Variants in ARMH4 observed in about 807,000 individuals in gnomAD.
ARMH4 encodes the protein armadillo-like helical domain-containing protein 4.
In ARMH4, 49 loss-of-function variants were observed where a neutral mutation model predicts 61.9. The ratio of observed to expected loss-of-function variants is 0.79; its 90% confidence interval spans 0.63 to 1.00. The LOEUF (loss-of-function observed/expected upper bound fraction) is 1.00, where lower values mean the gene tolerates loss of function less well. Ranked by LOEUF, ARMH4 falls within the 50% of genes least tolerant of loss-of-function variation. The pLI, the probability that ARMH4 is intolerant of heterozygous loss-of-function variation, is 0.00. For missense variants in ARMH4, 934 were observed against 930.0 expected, an observed-to-expected ratio of 1.00 and a Z score of -0.06; for synonymous variants, 368 against 341.5, an observed-to-expected ratio of 1.08 and a Z score of -0.85.
Position 58,138,352 on chromosome 14 carries a change from G to A in ARMH4, c.1007C>T (p.Thr336Ile). The part of the protein sequence containing the change: ...RTPKLGDNEE[T>I]QVRTEMSQTA... Reference sequence around the variant, plus strand: ...CTGAGACATCTCCGTTCTCACCTGAGTCTCTTCATTGTCTCCAAGCTTGGG... The same window carrying A: ...CTGAGACATCTCCGTTCTCACCTGAATCTCTTCATTGTCTCCAAGCTTGGG... Residue 336 changes from threonine to isoleucine, a missense_variant, in exon 2 of 8, where the codon ACT becomes ATT. Coordinates refer to ENST00000267485, the MANE Select transcript of ARMH4 (RefSeq NM_001001872.4). 2 of 1,614,128 alleles carry A rather than the reference G, an allele frequency of 1.2e-6. No individual in the cohort carries two copies. Among genetic ancestry groups the A allele is most frequent in the Non-Finnish European group, 1.7e-6 (2 of 1,180,028 alleles).
chr14:58,035,149 G>A (rs1883429489), intron 5 of ARMH4, among the ~76,000 whole-genome samples: 2 of 145,174 alleles, frequency 1.4e-5, no homozygotes, highest in Non-Finnish European at 3.0e-5. Context: ...ATAGTTGGAA[G>A]TAAAGCTCTC....
intron 4 of ARMH4, among the ~76,000 whole-genome samples, chr14:58,109,550 A>G (rs558646723): frequency 7.2e-4 from 110 of 152,290 alleles, no homozygotes; most frequent in African/African-American, 2.4e-3. Flanking sequence ...ATAAGTCTTA[A>G]TATCTGTTAG....
chr14:58,113,689 A>G (rs986054452), intron 4 of ARMH4, among the ~76,000 whole-genome samples: 1 of 151,828 alleles, frequency 6.6e-6, no homozygotes, highest in Non-Finnish European at 1.5e-5. Flanking sequence ...CTTTTCTTTC[A>G]TGTTCTCTCA....
rs11844966 is a variant in ARMH4, at chr14:58,016,175, C to A, written c.2090-4025G>T. 8.0e-3 allele frequency among the ~76,000 whole-genome samples: 1,214 copies of A among 151,536 alleles called. 23 individuals carry two copies. The highest frequency in any genetic ancestry group is 0.028 in the African/African-American group (1,140 of 41,308). ...AAAAATTTTGTTTAAATCATGTTCA[C>A]AAAATATTTATAATAAAAAGGAGCA... On this transcript the variant is annotated intron_variant, in intron 5 of 7. Coordinates refer to ENST00000267485, the MANE Select transcript of ARMH4 (RefSeq NM_001001872.4).
At chr14:58,028,901 G>A (rs548302305) in intron 5 of ARMH4, among the ~76,000 whole-genome samples, 29 of 152,172 alleles carry the variant, frequency 1.9e-4, no homozygotes, top group Non-Finnish European at 2.8e-4. Context: ...GGTGTTTTTG[G>A]TTTTTAATTT....
intron 4 of ARMH4, among the ~76,000 whole-genome samples, chr14:58,098,759 C>T (rs1173360344): frequency 6.7e-6 from 1 of 149,822 alleles, no homozygotes; most frequent in Non-Finnish European, 1.5e-5. Flanking sequence ...AAGAAGTAGG[C>T]AGGGGCCAGA....
At position 58,057,572 on chromosome 14, in the gene ARMH4, G is replaced by C. The variant is rs75610564; in HGVS notation, c.2089+39152C>G. Among the ~76,000 whole-genome samples the C allele has an allele frequency of 5.0e-5, 4 of 80,288 alleles. No individual in the cohort carries two copies. The South Asian group carries it at 1.5e-3, about 30-fold the overall frequency. 52.7% of individuals were successfully genotyped at this position (80,288 alleles called of 152,430 possible). ...CCAAAGGGTGTGTGTGTGTGTGTCT[G>C]TGTGTGTGTGTGTGTGTATTTTGAT... On this transcript the variant is annotated intron_variant, in intron 5 of 7. Coordinates refer to ENST00000267485, the MANE Select transcript of ARMH4 (RefSeq NM_001001872.4).
intron 4 of ARMH4, among the ~76,000 whole-genome samples, chr14:58,124,502 G>T (rs1223564297): frequency 1.3e-5 from 2 of 152,204 alleles, no homozygotes; most frequent in African/African-American, 4.8e-5. Flanking sequence ...ATCTTATGAT[G>T]TGAATGGCAT....
At position 58,138,564 on chromosome 14, in the gene ARMH4, G is replaced by A; in HGVS notation, c.795C>T (p.Thr265=). 1 of 1,614,186 alleles carries A rather than the reference G, an allele frequency of 6.2e-7. No homozygotes were observed. The highest frequency in any genetic ancestry group is 8.5e-7 in the Non-Finnish European group (1 of 1,180,034). ...EKPSQMTADN[T]QAAATKQPLE... is the part of the protein sequence containing the mutation. Reference sequence around the variant, plus strand: ...GTGGTTGCTTGGTGGCAGCAGCCTGGGTGTTATCAGCTGTCATCTGCGAAG... The same window carrying A: ...GTGGTTGCTTGGTGGCAGCAGCCTGAGTGTTATCAGCTGTCATCTGCGAAG... The change falls in exon 2 of 8, where the codon ACC becomes ACT. Residue 265 remains threonine, a synonymous_variant. Coordinates refer to ENST00000267485, the MANE Select transcript of ARMH4 (RefSeq NM_001001872.4).
intron 5 of ARMH4, among the ~76,000 whole-genome samples, chr14:58,029,506 T>C (rs1883150055): frequency 6.6e-6 from 1 of 152,156 alleles, no homozygotes; most frequent in African/African-American, 2.4e-5. Context: ...AGTGCTGGGA[T>C]TACAGGTGTG....
intron 4 of ARMH4, among the ~76,000 whole-genome samples, chr14:58,111,594 T>C (rs1034786645): frequency 6.6e-6 from 1 of 152,212 alleles, no homozygotes; most frequent in African/African-American, 2.4e-5. Flanking sequence ...CCTCTCTTCC[T>C]GGTTTACAGA....
chr14:58,089,118 C>T (rs1341267943), intron 5 of ARMH4, among the ~76,000 whole-genome samples: 1 of 152,210 alleles, frequency 6.6e-6, no homozygotes, highest in Non-Finnish European at 1.5e-5. Context: ...GTGCTGGTTA[C>T]ATTGGGCTGA....
At chr14:58,099,032 G>T (rs529277474) in intron 4 of ARMH4, among the ~76,000 whole-genome samples, 2 of 152,246 alleles carry the variant, frequency 1.3e-5, no homozygotes, top group East Asian at 3.9e-4. Context: ...GAACCCTGCT[G>T]ATAAGTACAA....
intron 5 of ARMH4, among the ~76,000 whole-genome samples, chr14:58,027,246 C>G (rs1883053147): frequency 6.6e-6 from 1 of 152,046 alleles, no homozygotes; most frequent in Admixed American, 6.6e-5. Context: ...GGCATAGTGC[C>G]CATAGCTAAT....
chr14:58,045,201 T>C lies in ARMH4; in HGVS notation c.2090-33051A>G, dbSNP rs541759422. On this transcript the variant is annotated intron_variant, in intron 5 of 7. Coordinates refer to ENST00000267485, the MANE Select transcript of ARMH4 (RefSeq NM_001001872.4). Reference sequence around the variant, plus strand: ...GGCACTACTCACAATAGCAAAGACCTGGAACCAACCCAAATGTCCAATAAT... The same window carrying C: ...GGCACTACTCACAATAGCAAAGACCCGGAACCAACCCAAATGTCCAATAAT... Among the ~76,000 whole-genome samples the C allele has an allele frequency of 2.6e-5, 4 of 152,288 alleles. No homozygotes were observed. In the South Asian group the frequency reaches 8.3e-4, roughly 32 times the overall value.
intron 1 of ARMH4, among the ~76,000 whole-genome samples, chr14:58,144,965 T>C (rs1357230440): frequency 2.0e-5 from 3 of 152,238 alleles, no homozygotes; most frequent in African/African-American, 4.8e-5. Flanking sequence ...CAAACTGACC[T>C]ACTAAATTCT....
intron 5 of ARMH4, among the ~76,000 whole-genome samples, chr14:58,090,012 T>C (rs991184301): frequency 6.6e-6 from 1 of 152,188 alleles, no homozygotes; most frequent in Non-Finnish European, 1.5e-5. Context: ...GATACATGAG[T>C]GCTCCCCTCC....
At chr14:58,025,996 T>C (rs566787252) in intron 5 of ARMH4, among the ~76,000 whole-genome samples, 1 of 152,060 alleles carries the variant, frequency 6.6e-6, no homozygotes, top group South Asian at 2.1e-4. Flanking sequence ...ATTAAGAATG[T>C]CTTTAGTTAA....
intron 6 of ARMH4, among the ~76,000 whole-genome samples, chr14:58,010,249 T>A (rs976413071): frequency 2.9e-4 from 10 of 34,148 alleles, no homozygotes; most frequent in African/African-American, 9.1e-4. Context: ...GATATATGTA[T>A]ATATATATAT....
Sources: allele counts gnomAD v4.1 joint callset (sites outside exome capture counted in the v4.1 genomes callset), GRCh38; gene constraint gnomAD v4.1.1; transcripts MANE v1.5; gene names NCBI Gene and HGNC (gene_info 2026-07-23, HGNC 2026-07-21).